The following SLC44A5 variants were observed in gnomAD, a reference collection of about 807,000 sequenced individuals.
SLC44A5 encodes solute carrier family 44 member 5.
In SLC44A5, 57 loss-of-function variants were observed where a neutral mutation model predicts 101.8. That is an observed-to-expected ratio of 0.56 (90% CI 0.45 to 0.70). The LOEUF is 0.70. Among genes scored for constraint, SLC44A5 ranks in the 30% least tolerant of loss-of-function variants. The pLI is 0.00. For synonymous variants in SLC44A5, 281 were observed against 290.9 expected (o/e 0.97, Z 0.35); for missense variants, 737 against 853.1 (o/e 0.86, Z 1.70).
the SLC44A5 span, among the ~76,000 whole-genome samples, chr1:75,657,366 T>C: frequency 6.6e-6 from 1 of 151,944 alleles, no homozygotes; most frequent in African/African-American, 2.4e-5. Context: ...CTGGGCAACA[T>C]GGTGAAACTG....
chr1:75,685,407 C>T, the SLC44A5 span, among the ~76,000 whole-genome samples: 1 of 152,180 alleles, frequency 6.6e-6, no homozygotes, highest in Admixed American at 6.5e-5. Flanking sequence ...CATAATCACG[C>T]TGCAAATTTT....
At chr1:75,376,774 T>C (rs929166637) in intron 3 of SLC44A5, among the ~76,000 whole-genome samples, 3 of 151,994 alleles carry the variant, frequency 2.0e-5, no homozygotes, top group Admixed American at 2.0e-4. Flanking sequence ...GCAGAGCGCC[T>C]CTCCTCCAAA....
chr1:75,438,722 C>CT (rs1412268546), intron 2 of SLC44A5, among the ~76,000 whole-genome samples: 3 of 152,102 alleles, frequency 2.0e-5, no homozygotes, highest in Non-Finnish European at 4.4e-5. Context: ...GCCTGGGACT[C>CT]TTTCTGAAGA....
chr1:75,386,494 A>C (rs1233011917), intron 3 of SLC44A5, among the ~76,000 whole-genome samples: 1 of 152,202 alleles, frequency 6.6e-6, no homozygotes, highest in Admixed American at 6.5e-5. Context: ...TAGGAATCCA[A>C]CTTACAAGGG....
chr1:75,658,649 A>G, the SLC44A5 span, among the ~76,000 whole-genome samples: 8 of 152,158 alleles, frequency 5.3e-5, no homozygotes, highest in African/African-American at 1.9e-4. Context: ...GAAAGTTTAT[A>G]ACAATAAACA....
the SLC44A5 span, among the ~76,000 whole-genome samples, chr1:75,672,879 G>C: frequency 2.1e-3 from 320 of 152,158 alleles, no homozygotes; most frequent in African/African-American, 7.2e-3. Context: ...GCCTTGAAGG[G>C]AAGGACTCAG....
rs150411756 is a variant in SLC44A5 at position 75,229,304 on chromosome 1, A to G, written c.854-1447T>C. On this transcript the variant is annotated intron_variant, in intron 12 of 23. Coordinates refer to ENST00000370859, the MANE Select transcript of SLC44A5 (RefSeq NM_001130058.2). The stretch of plus-strand genomic sequence containing the variant: ...ATTATATCTCATCTCTTTGCTACCC[A>G]AAGCCCTACATTGCCTCCCTGTTTC... Among the ~76,000 whole-genome samples the G allele has an allele frequency of 1.2e-4, 18 of 152,198 alleles. No individual in the cohort carries two copies. In the East Asian group the frequency reaches 3.5e-3, roughly 29 times the overall value.
chr1:75,544,952 C>A (rs1323162483), intron 1 of SLC44A5, among the ~76,000 whole-genome samples: 1 of 152,080 alleles, frequency 6.6e-6, no homozygotes. Flanking sequence ...TGGTTTGCTG[C>A]ACCCATCAAC....
intron 2 of SLC44A5, among the ~76,000 whole-genome samples, chr1:75,509,467 A>G (rs188676668): frequency 1.2e-4 from 18 of 152,352 alleles, no homozygotes; most frequent in African/African-American, 4.3e-4. Context: ...GTGGTAAAAT[A>G]AAAATGTTTG....
At chr1:75,666,783 T>C in the SLC44A5 span, among the ~76,000 whole-genome samples, 1 of 152,168 alleles carries the variant, frequency 6.6e-6, no homozygotes, top group Non-Finnish European at 1.5e-5. Flanking sequence ...TGGTTCAACA[T>C]ACACAAGTCA....
At chr1:75,593,001 T>G (rs2102116629) in intron 1 of SLC44A5, among the ~76,000 whole-genome samples, 1 of 152,142 alleles carries the variant, frequency 6.6e-6, no homozygotes, top group Non-Finnish European at 1.5e-5. Flanking sequence ...GGGATCATAT[T>G]AAGTTTAAAA....
intron 5 of SLC44A5, among the ~76,000 whole-genome samples, chr1:75,297,571 C>T (rs576574979): frequency 6.6e-6 from 1 of 152,240 alleles, no homozygotes; most frequent in Non-Finnish European, 1.5e-5. Flanking sequence ...AGGCATGAGC[C>T]ACTGCCACCA....
intron 14 of SLC44A5, among the ~76,000 whole-genome samples, chr1:75,221,952 T>G (rs956024138): frequency 4.4e-5 from 6 of 135,238 alleles, no homozygotes; most frequent in South Asian, 2.2e-4. Flanking sequence ...TTTAAAAGTC[T>G]TCTTCTTCTT....
chr1:75,438,314 G>A (rs17096888), intron 2 of SLC44A5, among the ~76,000 whole-genome samples: 15,645 of 152,014 alleles, frequency 0.1, 972 homozygotes, highest in Admixed American at 0.19. Context: ...ACAGAATGAC[G>A]GTTTCCAGAA....
intron 2 of SLC44A5, among the ~76,000 whole-genome samples, chr1:75,478,053 C>T (rs994183530): frequency 1.3e-4 from 20 of 152,214 alleles, no homozygotes; most frequent in Non-Finnish European, 7.3e-5. Context: ...CAGCGGATCT[C>T]CCGGCAGAAA....
At chr1:75,489,248 A>AT (rs11399952) in intron 2 of SLC44A5, among the ~76,000 whole-genome samples, 6 of 152,186 alleles carry the variant, frequency 3.9e-5, no homozygotes, top group Admixed American at 2.6e-4. Context: ...TTTAAAAAAA[A>AT]CATAAATTCA....
At chr1:75,570,695 G>T (rs888555454) in intron 1 of SLC44A5, among the ~76,000 whole-genome samples, 1 of 152,110 alleles carries the variant, frequency 6.6e-6, no homozygotes. Flanking sequence ...AAAAAAATTT[G>T]CTGACCCCTG....
At chr1:75,224,969 TGAAG>T (rs142165510) in intron 13 of SLC44A5, among the ~76,000 whole-genome samples, 1,756 of 152,262 alleles carry the variant, frequency 0.012, 39 homozygotes, top group African/African-American at 0.04. Context: ...GGTTAATTAT[TGAAG>T]GAAGTTTTTA....
the SLC44A5 span, among the ~76,000 whole-genome samples, chr1:75,657,665 A>AAG: frequency 1.3e-5 from 2 of 152,174 alleles, no homozygotes; most frequent in African/African-American, 4.8e-5. Flanking sequence ...AAAAACTGCA[A>AAG]AGAGAGACAA....
Sources: allele counts gnomAD v4.1 joint callset (sites outside exome capture counted in the v4.1 genomes callset), GRCh38; gene constraint gnomAD v4.1.1; transcripts MANE v1.5; gene names NCBI Gene and HGNC (gene_info 2026-07-23, HGNC 2026-07-21).